PHF24: variants seen among roughly 807,000 people sequenced by gnomAD.
PHF24 encodes the protein Galpha inhibitory interacting protein.
A neutral mutation model predicts 42.6 loss-of-function variants in PHF24; 25 were observed. That is an observed-to-expected ratio of 0.59 (90% CI 0.43 to 0.82). The LOEUF (loss-of-function observed/expected upper bound fraction) is 0.82, where lower values mean the gene tolerates loss of function less well. Ranked by LOEUF, PHF24 falls within the 40% of genes least tolerant of loss-of-function variation. The probability of loss-of-function intolerance (pLI) is 0.00; values close to 1 mark genes in which losing one functional copy is unlikely to be tolerated. For synonymous variants in PHF24, 185 were observed against 204.8 expected, an observed-to-expected ratio of 0.90 and a Z score of 0.83; for missense variants, 470 against 538.1, an observed-to-expected ratio of 0.87 and a Z score of 1.25.
the PHF24 span, among the ~76,000 whole-genome samples, chr9:34,951,579 A>T: frequency 6.6e-6 from 1 of 152,216 alleles, no homozygotes; most frequent in African/African-American, 2.4e-5. Context: ...GCTGGAAAAG[A>T]CAAGGAATGG....
the PHF24 span, chr9:34,889,624 C>A: frequency 7.5e-6 from 3 of 398,426 alleles, no homozygotes; most frequent in Non-Finnish European, 1.3e-5. Context: ...TCCAAGCCAA[C>A]TTCTGGAGCT....
the PHF24 span, among the ~76,000 whole-genome samples, chr9:34,862,173 CA>C: frequency 6.6e-6 from 1 of 152,170 alleles, no homozygotes; most frequent in South Asian, 2.1e-4. Flanking sequence ...GCCTCACCAC[CA>C]CAGGCTTAAG....
chr9:34,860,222 T>C, the PHF24 span, among the ~76,000 whole-genome samples: 1 of 152,224 alleles, frequency 6.6e-6, no homozygotes, highest in Non-Finnish European at 1.5e-5. Flanking sequence ...ATTTATTGAT[T>C]GATGTCTAAT....
the PHF24 span, among the ~76,000 whole-genome samples, chr9:34,845,792 T>C: frequency 8.3e-5 from 11 of 132,166 alleles, no homozygotes; most frequent in African/African-American, 3.2e-4. Context: ...ATGTTCCCCT[T>C]CCTGTGTCCA....
the PHF24 span, among the ~76,000 whole-genome samples, chr9:34,719,621 C>T: frequency 1.3e-5 from 2 of 152,190 alleles, no homozygotes; most frequent in African/African-American, 4.8e-5. Flanking sequence ...CCCATGCTGG[C>T]CTCAGGCAGG....
the PHF24 span, among the ~76,000 whole-genome samples, chr9:34,854,907 G>T: frequency 6.6e-6 from 1 of 152,190 alleles, no homozygotes; most frequent in African/African-American, 2.4e-5. Context: ...TTGTGTGGGA[G>T]TCTAAGTCTC....
At chr9:34,870,011 T>G in the PHF24 span, among the ~76,000 whole-genome samples, 1 of 152,114 alleles carries the variant, frequency 6.6e-6, no homozygotes, top group Non-Finnish European at 1.5e-5. Flanking sequence ...TGGAGGCCAG[T>G]CTTTCTCATC....
the PHF24 span, chr9:34,729,297 C>G: frequency 6.4e-7 from 1 of 1,552,126 alleles, no homozygotes; most frequent in East Asian, 2.4e-5. Flanking sequence ...GCAGCAGCTC[C>G]TTTTAGGTTC....
At chr9:34,732,848 T>C in the PHF24 span, among the ~76,000 whole-genome samples, 3 of 152,230 alleles carry the variant, frequency 2.0e-5, no homozygotes, top group African/African-American at 7.2e-5. Context: ...TTAATTATTA[T>C]GAATATATCT....
chr9:34,859,779 A>G, the PHF24 span, among the ~76,000 whole-genome samples: 2 of 152,250 alleles, frequency 1.3e-5, no homozygotes, highest in East Asian at 1.9e-4. Context: ...CTTTGTTGCT[A>G]CTTTACCCAG....
chr9:34,805,918 G>A, the PHF24 span, among the ~76,000 whole-genome samples: 2 of 152,088 alleles, frequency 1.3e-5, no homozygotes, highest in African/African-American at 4.8e-5. Context: ...TTTGTATGTG[G>A]ATACAAAAGA....
At chr9:34,845,423 G>A in the PHF24 span, among the ~76,000 whole-genome samples, 988 of 151,720 alleles carry the variant, frequency 6.5e-3, 10 homozygotes, top group Admixed American at 0.027. Context: ...TCTTGTTGTC[G>A]TCTGTTGAGG....
the PHF24 span, among the ~76,000 whole-genome samples, chr9:34,779,686 A>G: frequency 6.6e-6 from 1 of 152,220 alleles, no homozygotes; most frequent in Admixed American, 6.5e-5. Context: ...GAGAGAATTG[A>G]GAGCCCACAA....
At chr9:34,728,756 A>G in the PHF24 span, 1 of 1,076,550 alleles carries the variant, frequency 9.3e-7, no homozygotes. Flanking sequence ...CGCTTTGTAT[A>G]TATCTATCTG....
the PHF24 span, among the ~76,000 whole-genome samples, chr9:34,878,886 T>C: frequency 1.3e-5 from 2 of 152,176 alleles, no homozygotes; most frequent in African/African-American, 4.8e-5. Flanking sequence ...AGCACAGAGC[T>C]TGAGATCTGA....
At chr9:34,908,674 A>C in the PHF24 span, among the ~76,000 whole-genome samples, 22 of 152,190 alleles carry the variant, frequency 1.4e-4, no homozygotes, top group African/African-American at 4.8e-4. Flanking sequence ...ATCCAATAAG[A>C]CAGTCCCTCA....
chr9:34,730,312 A>C, the PHF24 span, among the ~76,000 whole-genome samples: 6 of 152,192 alleles, frequency 3.9e-5, no homozygotes. Context: ...CCATAGCCAG[A>C]CTATTGATTT....
At chr9:34,979,902 G>A (rs1233241972) in exon 8 of PHF24, 1 of 152,236 alleles carries the variant, frequency 6.6e-6, no homozygotes, top group African/African-American at 2.4e-5. Context: ...TGATCCATAG[G>A]AGGGGCCATT....
the PHF24 span, among the ~76,000 whole-genome samples, chr9:34,945,635 A>T: frequency 6.6e-6 from 1 of 152,102 alleles, no homozygotes; most frequent in East Asian, 1.9e-4. Context: ...CTGTCATAGG[A>T]GTGGGTTCTT....
Sources: gnomAD v4.1 joint callset for allele counts (sites outside exome capture counted in the v4.1 genomes callset) on GRCh38, gnomAD v4.1.1 for gene constraint, MANE v1.5 for transcripts, NCBI Gene and HGNC (gene_info 2026-07-23, HGNC 2026-07-21) for gene names.